SUMF2: variants seen among roughly 807,000 people sequenced by gnomAD.
SUMF2 encodes inactive C-alpha-formylglycine-generating enzyme 2.
In SUMF2, 45 loss-of-function variants were observed where a neutral mutation model predicts 44.8. The ratio of observed to expected loss-of-function variants is 1.00; its 90% CI spans 0.79 to 1.29. SUMF2 has a LOEUF of 1.29. Ranked by LOEUF, SUMF2 falls within the 50% of genes most tolerant of loss-of-function variation. SUMF2 has a pLI of 0.00. For synonymous variants in SUMF2, 148 were observed against 150.4 expected, an observed-to-expected ratio of 0.98 and a Z score of 0.12; for missense variants, 418 against 389.9, an observed-to-expected ratio of 1.07 and a Z score of -0.61.
downstream of SUMF2, chr7:56,081,207 G>A (rs1795964762): frequency 6.2e-7 from 1 of 1,613,922 alleles, no homozygotes; most frequent in African/African-American, 1.3e-5. This position sits in a 1 kb window ranked among gnomAD's most constrained non-coding sequence, Gnocchi z 4.6. Flanking sequence ...GGAGGGCATA[G>A]GGGTCTCGGA....
At chr7:56,078,214 TGCCCATGAAC>T (rs1584603870) in intron 7 of SUMF2, 28 bp downstream of exon 7, 2 of 1,599,114 alleles carry the variant, frequency 1.3e-6, no homozygotes, top group East Asian at 4.5e-5. Context: ...CTTGCGGCTG[TGCCCATGAAC>T]TGGCTGTTGG....
downstream of SUMF2, chr7:56,080,982 A>G: frequency 6.4e-7 from 1 of 1,565,412 alleles, no homozygotes; most frequent in Non-Finnish European, 8.7e-7. Context: ...CACGCATCTC[A>G]CCCCTTTGAC....
chr7:56,083,540 C>T, downstream of SUMF2: 1 of 1,515,032 alleles, frequency 6.6e-7, no homozygotes, highest in Non-Finnish European at 9.1e-7. Flanking sequence ...AAGGGAGCAG[C>T]ACACACGCCC....
rs1795883622 is a variant in SUMF2 at position 56,080,181 on chromosome 7, G to A, written c.*569G>A. 1.1e-5 allele frequency: 3 copies of A among 269,666 alleles called. No individual in the cohort carries two copies. Among genetic ancestry groups the A allele is most frequent in the Non-Finnish European group, 2.1e-5 (3 of 143,674 alleles). The allele number at this position is 269,666 out of a possible 1,614,324, so 16.7% of individuals were successfully genotyped here. On this transcript the variant is annotated 3_prime_UTR_variant, in exon 9 of 9. Transcript: ENST00000434526. ...AAAGGGTCTGGGAGAACCAGATGAT[G>A]TACTAGGTGAAGCATTGCATTGTGG...
intron 6 of SUMF2, 115 bp from the exon 7 acceptor site, chr7:56,077,987 G>GCCCTTC: frequency 1.2e-6 from 1 of 829,886 alleles, no homozygotes; most frequent in South Asian, 1.6e-5. Flanking sequence ...ACCGCCCCGT[G>GCCCTTC]CCCTTCCCCT....
chr7:56,081,383 T>G, downstream of SUMF2: 2 of 1,489,306 alleles, frequency 1.3e-6, no homozygotes, highest in Non-Finnish European at 1.8e-6. The surrounding 1 kb of genome is among the most constrained non-coding windows in gnomAD (Gnocchi z 4.6). Flanking sequence ...TCTGGGCTCG[T>G]TTGCCACGAA....
At chr7:56,087,373 C>T in the SUMF2 span, among the ~76,000 whole-genome samples, 1 of 151,964 alleles carries the variant, frequency 6.6e-6, no homozygotes, top group East Asian at 1.9e-4. Flanking sequence ...AGGCATGCAC[C>T]AGCATGCCTG....
chr7:56,068,734 C>T lies in SUMF2; in HGVS notation c.224+96C>T. On this transcript the variant is annotated intron_variant, in intron 2 of 8. Coordinates refer to ENST00000434526, the MANE Select transcript of SUMF2 (RefSeq NM_015411.4). ...TTTTTTGTTTTTTGAGACTGACTCC[C>T]TCTGTCACCCAGGTGCTGGAGTGCA... 4 of 1,406,688 alleles carry T rather than the reference C, an allele frequency of 2.8e-6. No homozygotes were observed. The South Asian group carries it at 5.3e-5, about 19-fold the overall frequency. The allele number at this position is 1,406,688 out of a possible 1,614,324, so 87.1% of individuals were successfully genotyped here.
downstream of SUMF2, chr7:56,080,726 T>TAGATCTCGGTGGTCG: frequency 2.8e-6 from 1 of 360,014 alleles, no homozygotes; most frequent in Non-Finnish European, 5.2e-6. Context: ...AGCCTGAGTG[T>TAGATCTCGGTGGTCG]CAGTAACTCT....
chr7:56,075,489 G>A (rs974224612), intron 5 of SUMF2, among the ~76,000 whole-genome samples: 4 of 151,844 alleles, frequency 2.6e-5, no homozygotes, highest in African/African-American at 7.3e-5. Flanking sequence ...GAGGTCAGGA[G>A]GTTGAGACCA....
At chr7:56,078,599 C>T in intron 8 of SUMF2, 91 bp downstream of exon 8, 1 of 1,382,766 alleles carries the variant, frequency 7.2e-7, no homozygotes. Flanking sequence ...CTTCACACCA[C>T]CAACCGTCTG....
intron 2 of SUMF2, among the ~76,000 whole-genome samples, chr7:56,070,967 C>CA (rs762170138): frequency 2.6e-5 from 4 of 152,248 alleles, no homozygotes; most frequent in South Asian, 4.1e-4. Flanking sequence ...ACTATAGGGA[C>CA]AAAAAAACCT....
intron 8 of SUMF2, chr7:56,079,018 C>A: frequency 1.7e-6 from 1 of 605,126 alleles, no homozygotes; most frequent in South Asian, 2.0e-5. Context: ...CACCTCAGCT[C>A]CTCAAGTATC....
At chr7:56,086,709 C>T in the SUMF2 span, among the ~76,000 whole-genome samples, 1 of 152,086 alleles carries the variant, frequency 6.6e-6, no homozygotes, top group Non-Finnish European at 1.5e-5. Flanking sequence ...TCACACTATG[C>T]CAGTCACTGT....
intron 2 of SUMF2, among the ~76,000 whole-genome samples, chr7:56,072,326 T>C (rs1287434349): frequency 6.6e-6 from 1 of 151,116 alleles, no homozygotes; most frequent in Admixed American, 6.6e-5. Flanking sequence ...CTTAAGAGAC[T>C]GAGGCTAGAG....
rs1206100039 is a variant in SUMF2, at chr7:56,079,945, A to G, written c.*333A>G. On this transcript the variant is annotated 3_prime_UTR_variant, in exon 9 of 9. Coordinates refer to ENST00000434526, the MANE Select transcript of SUMF2 (RefSeq NM_015411.4). ...CCATTTTTTAAGCATTTTAAAATCT[A>G]TTCTCTCCCCCTTTCTCCCTGGATG... is the stretch of plus-strand genomic sequence containing the variant. 26 of 1,278,292 alleles carry G rather than the reference A, an allele frequency of 2.0e-5. No homozygotes were observed. The South Asian group carries it at 2.8e-4, about 14-fold the overall frequency. The allele number at this position is 1,278,292 out of a possible 1,614,324, so 79.2% of individuals were successfully genotyped here. A position where few individuals can be genotyped will look rare whatever the true frequency, so the allele number is the denominator to read the frequency against.
intron 1 of SUMF2, among the ~76,000 whole-genome samples, chr7:56,067,090 A>T (rs562858482): frequency 2.0e-5 from 3 of 152,322 alleles, no homozygotes; most frequent in African/African-American, 7.2e-5. Flanking sequence ...CTAAGAACTG[A>T]TAAGAGTTCA....
intron 5 of SUMF2, chr7:56,076,491 G>T: frequency 9.9e-6 from 2 of 201,846 alleles, no homozygotes; most frequent in Non-Finnish European, 2.0e-5. Flanking sequence ...GACCTGTGAG[G>T]TTGCCTCTGG....
rs536857034 is a variant in SUMF2, at chr7:56,079,173, C to T, written c.822-355C>T. On this transcript the variant is annotated intron_variant, in intron 8 of 8. Transcript: ENST00000434526. ...ACAGGTGTGAGCCACTGCACCCGGC[C>T]GTGATATTCTCATTGCTTGTGGACA... 26 of 495,340 alleles carry T rather than the reference C, an allele frequency of 5.2e-5. No homozygotes were observed. The East Asian group carries it at 6.4e-4, about 12-fold the overall frequency. 30.7% of individuals were successfully genotyped at this position (495,340 alleles called of 1,614,324 possible).
Sources: allele counts gnomAD v4.1 joint callset (sites outside exome capture counted in the v4.1 genomes callset), GRCh38; gene constraint gnomAD v4.1.1; non-coding constraint Gnocchi (gnomAD v3.1); transcripts MANE v1.5; gene names NCBI Gene and HGNC (gene_info 2026-07-23, HGNC 2026-07-21).